The following RGS7 variants were observed in gnomAD, a reference collection of about 807,000 sequenced individuals.
RGS7 encodes the protein regulator of G-protein signaling 7.
Under a neutral mutation model 81.1 loss-of-function variants are expected in RGS7, and 27 were observed. The ratio of observed to expected loss-of-function variants is 0.33; its 90% CI spans 0.25 to 0.46. RGS7 has a LOEUF of 0.46. Ranked by LOEUF, RGS7 falls within the 20% of genes least tolerant of loss-of-function variation. The pLI, the probability that RGS7 is intolerant of heterozygous loss-of-function variation, is 1.00. For missense variants in RGS7, 396 were observed against 607.4 expected (o/e 0.65, Z 3.66); for synonymous variants, 208 against 207.7 (o/e 1.00, Z -0.01).
intron 2 of RGS7, among the ~76,000 whole-genome samples, chr1:241,348,678 G>A (rs1425589168): frequency 3.3e-5 from 5 of 152,158 alleles, no homozygotes; most frequent in African/African-American, 1.2e-4. Context: ...TGGATTCTAA[G>A]GCTTTATATA....
intron 2 of RGS7, among the ~76,000 whole-genome samples, chr1:241,296,342 A>G (rs2079423886): frequency 6.6e-6 from 1 of 152,226 alleles, no homozygotes. Context: ...GGAAACAAAC[A>G]CCAACAAGAG....
chr1:241,018,016 G>A (rs957414931), intron 3 of RGS7, among the ~76,000 whole-genome samples: 4 of 151,822 alleles, frequency 2.6e-5, no homozygotes, highest in African/African-American at 4.8e-5. Flanking sequence ...GCCCAGGCTG[G>A]GGTGCAGTGG....
At chr1:241,156,154 ATAG>A (rs2069123095) in intron 2 of RGS7, among the ~76,000 whole-genome samples, 1 of 151,380 alleles carries the variant, frequency 6.6e-6, no homozygotes. Flanking sequence ...AGATAGATAG[ATAG>A]ATAGATAGAT....
chr1:241,063,772 T>C (rs1464553844), intron 3 of RGS7, among the ~76,000 whole-genome samples: 1 of 152,018 alleles, frequency 6.6e-6, no homozygotes, highest in Non-Finnish European at 1.5e-5. Flanking sequence ...CATGTAAAAA[T>C]GATGGTGATA....
In RGS7 at chr1:241,281,339, G is replaced by C. The variant is rs191129832; in HGVS notation, c.78+74360C>G. Among the ~76,000 whole-genome samples the C allele has an allele frequency of 2.5e-3, 386 of 152,306 alleles. 4 individuals are homozygous for C. Among genetic ancestry groups the C allele is most frequent in the African/African-American group, 9.1e-3 (380 of 41,560 alleles). ...TGTAGCCACCTTCTGTTGCTATTGTGGTGAGCTCAAGTGTTGTGAGTATCC... is the reference window on the plus strand; with the variant it reads ...TGTAGCCACCTTCTGTTGCTATTGTCGTGAGCTCAAGTGTTGTGAGTATCC... On this transcript the variant is annotated intron_variant, in intron 2 of 18. Transcript: ENST00000440928.
At chr1:241,249,251 A>T (rs2076714179) in intron 2 of RGS7, among the ~76,000 whole-genome samples, 1 of 151,904 alleles carries the variant, frequency 6.6e-6, no homozygotes, top group Admixed American at 6.6e-5. Context: ...TTCGATTTTC[A>T]CTATATGATT....
chr1:241,259,247 C>T (rs181293301), intron 2 of RGS7, among the ~76,000 whole-genome samples: 67 of 152,186 alleles, frequency 4.4e-4, no homozygotes, highest in Non-Finnish European at 3.1e-4. Flanking sequence ...ATTGATTAGG[C>T]ATTATCCTAT....
intron 6 of RGS7, among the ~76,000 whole-genome samples, chr1:240,884,186 T>A (rs1192886792): frequency 1.3e-5 from 2 of 150,448 alleles, no homozygotes; most frequent in Non-Finnish European, 3.0e-5. Context: ...AAAATTAACG[T>A]GTTAGATAAG....
chr1:241,078,876 C>T (rs1006197701), intron 3 of RGS7, among the ~76,000 whole-genome samples: 8 of 152,060 alleles, frequency 5.3e-5, no homozygotes, highest in Non-Finnish European at 1.0e-4. Context: ...TCATTTGCAA[C>T]GGGAGAAATG....
At chr1:241,077,343 T>C (rs1356810834) in intron 3 of RGS7, among the ~76,000 whole-genome samples, 1 of 152,162 alleles carries the variant, frequency 6.6e-6, no homozygotes, top group Non-Finnish European at 1.5e-5. Flanking sequence ...AATGAACGGA[T>C]GACACAAAAA....
intron 3 of RGS7, among the ~76,000 whole-genome samples, chr1:241,082,128 C>T (rs4568819): frequency 0.18 from 27,667 of 152,170 alleles, 2,741 homozygotes; most frequent in African/African-American, 0.26. Context: ...TAAGTCGATA[C>T]ACCTGAGTTA....
chr1:241,156,042 G>A (rs1307692033), intron 2 of RGS7, among the ~76,000 whole-genome samples: 1 of 151,344 alleles, frequency 6.6e-6, no homozygotes. Context: ...CACTGTCTAG[G>A]TTCTATAATA....
In RGS7 at chr1:240,905,705, G is replaced by A. The variant is rs151136562; in HGVS notation, c.385+25012C>T. Among the ~76,000 whole-genome samples the A allele has an allele frequency of 5.7e-3, 869 of 152,260 alleles. 11 individuals are homozygous for A. The highest frequency in any genetic ancestry group is 0.02 in the African/African-American group (818 of 41,548). On this transcript the variant is annotated intron_variant, in intron 6 of 18. Transcript: ENST00000440928. ...GGAGTGTGGAGTTCAAGTCCTGAGCGAATGTATTCCTGGATAAAGAATTAG... is the reference window on the plus strand; with the variant it reads ...GGAGTGTGGAGTTCAAGTCCTGAGCAAATGTATTCCTGGATAAAGAATTAG...
At chr1:241,193,531 C>T (rs1048040850) in intron 2 of RGS7, among the ~76,000 whole-genome samples, 1 of 152,208 alleles carries the variant, frequency 6.6e-6, no homozygotes, top group Non-Finnish European at 1.5e-5. Context: ...TATAACACCA[C>T]ATTTGGATAT....
intron 3 of RGS7, among the ~76,000 whole-genome samples, chr1:241,030,283 C>T (rs960231028): frequency 2.7e-5 from 4 of 150,750 alleles, no homozygotes; most frequent in Non-Finnish European, 5.9e-5. Flanking sequence ...CCAAAACTGA[C>T]TGATAAATAT....
intron 10 of RGS7, among the ~76,000 whole-genome samples, chr1:240,823,607 G>A (rs895374525): frequency 6.6e-6 from 1 of 152,194 alleles, no homozygotes; most frequent in Non-Finnish European, 1.5e-5. Flanking sequence ...ACGACACGCC[G>A]CGGTGGGTCC....
intron 2 of RGS7, among the ~76,000 whole-genome samples, chr1:241,161,257 G>A (rs957422185): frequency 1.2e-4 from 19 of 152,080 alleles, no homozygotes; most frequent in Non-Finnish European, 4.4e-5. Flanking sequence ...CAGAGAATCC[G>A]TGAGTTCTTA....
chr1:240,805,397 A>C (rs1688682972), intron 15 of RGS7, among the ~76,000 whole-genome samples: 1 of 126,514 alleles, frequency 7.9e-6, no homozygotes, highest in African/African-American at 2.8e-5. Context: ...AAATAAAATA[A>C]AATACCACAT....
At chr1:240,840,342 C>T (rs972580785) in intron 9 of RGS7, among the ~76,000 whole-genome samples, 1 of 151,830 alleles carries the variant, frequency 6.6e-6, no homozygotes, top group Non-Finnish European at 1.5e-5. Flanking sequence ...AGCATGAACT[C>T]AGCTCACTGC....
Sources: gnomAD v4.1 joint callset for allele counts (sites outside exome capture counted in the v4.1 genomes callset) on GRCh38, gnomAD v4.1.1 for gene constraint, MANE v1.5 for transcripts, NCBI Gene and HGNC (gene_info 2026-07-23, HGNC 2026-07-21) for gene names.